TMCC1: variants seen among roughly 807,000 people sequenced by gnomAD.
TMCC1 encodes the protein transmembrane and coiled-coil domain family 1.
A neutral mutation model predicts 52.4 loss-of-function variants in TMCC1; 15 were observed. The observed-to-expected ratio is 0.29, with a 90% CI of 0.19 to 0.44. The LOEUF is 0.44. TMCC1 is among the 20% of genes least tolerant of loss of function. The probability of loss-of-function intolerance (pLI) is 1.00; values close to 1 mark genes in which losing one functional copy is unlikely to be tolerated. For synonymous variants in TMCC1, 279 were observed against 301.9 expected (o/e 0.92, Z 0.79); for missense variants, 503 against 806.0 (o/e 0.62, Z 4.55).
chr3:129,853,281 A>T (rs2059997611), intron 2 of TMCC1, among the ~76,000 whole-genome samples: 1 of 152,208 alleles, frequency 6.6e-6, no homozygotes, highest in African/African-American at 2.4e-5. Context: ...AGTACCTGTA[A>T]GCATACCCCT....
intron 2 of TMCC1, among the ~76,000 whole-genome samples, chr3:129,845,708 CAGG>C (rs2059633480): frequency 6.6e-6 from 1 of 152,116 alleles, no homozygotes; most frequent in Non-Finnish European, 1.5e-5. Flanking sequence ...GTGACAACTT[CAGG>C]AGTTGATAAT....
intron 2 of TMCC1, among the ~76,000 whole-genome samples, chr3:129,872,277 G>A (rs2060966433): frequency 6.6e-6 from 1 of 152,098 alleles, no homozygotes; most frequent in African/African-American, 2.4e-5. Context: ...GTGAGGGGCA[G>A]CACTATAAAT....
chr3:129,735,331 G>T (rs920464775), intron 4 of TMCC1, among the ~76,000 whole-genome samples: 1 of 151,878 alleles, frequency 6.6e-6, no homozygotes, highest in Non-Finnish European at 1.5e-5. Context: ...AACACACTTC[G>T]CCAAAAAAGT....
At chr3:129,885,454 G>A (rs1027085600) in intron 1 of TMCC1, among the ~76,000 whole-genome samples, 3 of 150,172 alleles carry the variant, frequency 2.0e-5, no homozygotes, top group East Asian at 2.1e-4. Context: ...GCATGATGGC[G>A]GGTGCCTGTA....
At chr3:129,826,710 A>G (rs1298490521) in intron 4 of TMCC1, among the ~76,000 whole-genome samples, 1 of 152,024 alleles carries the variant, frequency 6.6e-6, no homozygotes, top group African/African-American at 2.4e-5. Flanking sequence ...TTAATATCCA[A>G]TAAAAAAAAA....
intron 2 of TMCC1, among the ~76,000 whole-genome samples, chr3:129,858,945 C>G (rs1215790263): frequency 5.9e-5 from 9 of 152,102 alleles, no homozygotes. Flanking sequence ...AAGTGATTAC[C>G]TTAGATTATC....
intron 4 of TMCC1, among the ~76,000 whole-genome samples, chr3:129,760,903 C>T (rs990323100): frequency 9.2e-5 from 14 of 152,152 alleles, no homozygotes; most frequent in Non-Finnish European, 1.8e-4. Context: ...TGAGCCACTG[C>T]ACCCAGCCCA....
rs549136063 is a variant in TMCC1 at position 129,697,335 on chromosome 3, G to A, written c.577-26071C>T. On this transcript the variant is annotated intron_variant, in intron 4 of 6. Coordinates refer to ENST00000393238, the MANE Select transcript of TMCC1 (RefSeq NM_001017395.5). ...ACCCTCCAAAGCCATGGCCTGAACTGTATCTTGGCCCTTTTTAGTTAAGGG... is the reference window on the plus strand; with the variant it reads ...ACCCTCCAAAGCCATGGCCTGAACTATATCTTGGCCCTTTTTAGTTAAGGG... Among the ~76,000 whole-genome samples, 7 of 152,330 alleles carry A rather than the reference G, an allele frequency of 4.6e-5. No homozygotes were observed. In the East Asian group the frequency reaches 1.4e-3, roughly 29 times the overall value.
In TMCC1 at chr3:129,651,632, A is replaced by G; in HGVS notation, c.1811T>C (p.Val604Ala). ...GACCACACAGTTGGCTACAGTGGAG[A>G]CAAAGACCAAAAGGACTGCCATGAC... ...LAVMAVLLVF[V>A]STVANCVVPL... Residue 604 changes from valine to alanine, a missense_variant, in exon 7 of 7, where the codon GTC (valine) becomes GCC (alanine). Around this residue, in one of 7 missense-constraint regions of TMCC1, gnomAD observed 50 missense variants for 62.6 expected, o/e 0.80. Coordinates refer to ENST00000393238, the MANE Select transcript of TMCC1 (RefSeq NM_001017395.5). The surrounding 1 kb of genome is among the most constrained non-coding windows in gnomAD (Gnocchi z 5.1). 1 of 1,614,208 alleles carries G rather than the reference A, an allele frequency of 6.2e-7. No individual in the cohort carries two copies. Among genetic ancestry groups the G allele is most frequent in the South Asian group, 1.1e-5 (1 of 91,086 alleles).
At chr3:129,672,422 A>AC (rs958021343) in intron 4 of TMCC1, among the ~76,000 whole-genome samples, 44 of 151,074 alleles carry the variant, frequency 2.9e-4, no homozygotes, top group African/African-American at 1.0e-3. Flanking sequence ...ACATAGTGAG[A>AC]CCCCCTCTCT....
intron 4 of TMCC1, among the ~76,000 whole-genome samples, chr3:129,788,988 T>C (rs2056254925): frequency 6.6e-6 from 1 of 152,200 alleles, no homozygotes; most frequent in Non-Finnish European, 1.5e-5. Flanking sequence ...ATTTAACTGT[T>C]AGTAAAATAG....
chr3:129,867,570 A>G lies in TMCC1; in HGVS notation c.-184+12739T>C, dbSNP rs545448635. 2.6e-4 allele frequency among the ~76,000 whole-genome samples: 39 copies of G among 152,326 alleles called. 1 individual carries two copies. Among genetic ancestry groups the G allele is most frequent in the South Asian group, 6.2e-4 (3 of 4,830 alleles). ...CAGTGATAGGTTTAAATCTGTCTCT[A>G]AATTAAAAAATTATCTAGTCCTAAC... On this transcript the variant is annotated intron_variant, in intron 2 of 6. Transcript: ENST00000393238.
rs145595937 is a variant in TMCC1, at chr3:129,745,409, G to C, written c.577-74145C>G. 2.4e-3 allele frequency among the ~76,000 whole-genome samples: 365 copies of C among 152,320 alleles called. 3 individuals carry two copies. Among genetic ancestry groups the C allele is most frequent in the African/African-American group, 8.1e-3 (337 of 41,580 alleles). On this transcript the variant is annotated intron_variant, in intron 4 of 6. Coordinates refer to ENST00000393238, the MANE Select transcript of TMCC1 (RefSeq NM_001017395.5). ...AGCGCTTCACTCCGCAGCTCAGCCT[G>C]TGCCAAGAGTAGTTTTGCATTTCTC...
chr3:129,808,523 A>G (rs2057600296), intron 4 of TMCC1, among the ~76,000 whole-genome samples: 2 of 151,550 alleles, frequency 1.3e-5, no homozygotes, highest in African/African-American at 4.8e-5. Flanking sequence ...AAAAAAGAAA[A>G]TAATGAAAGA....
chr3:129,821,523 C>T (rs774891165), intron 4 of TMCC1, among the ~76,000 whole-genome samples: 2 of 151,914 alleles, frequency 1.3e-5, no homozygotes, highest in Non-Finnish European at 2.9e-5. Context: ...GAAAAGATTC[C>T]CAATTAAAGT....
intron 4 of TMCC1, among the ~76,000 whole-genome samples, chr3:129,729,478 CA>C (rs1335963005): frequency 6.6e-6 from 1 of 152,086 alleles, no homozygotes; most frequent in Non-Finnish European, 1.5e-5. Context: ...TGAGCTTTGA[CA>C]ATTTTTTATA....
At chr3:129,800,706 A>T (rs2057133249) in intron 4 of TMCC1, among the ~76,000 whole-genome samples, 1 of 152,062 alleles carries the variant, frequency 6.6e-6, no homozygotes, top group African/African-American at 2.4e-5. Flanking sequence ...ACAATTTAAC[A>T]TTATTCTCCA....
chr3:129,687,988 A>C (rs2108940700), intron 4 of TMCC1, among the ~76,000 whole-genome samples: 2 of 152,266 alleles, frequency 1.3e-5, no homozygotes, highest in South Asian at 4.1e-4. Flanking sequence ...ACATGAGAAA[A>C]CTTGGATTAT....
At chr3:129,872,141 A>C (rs2060960726) in intron 2 of TMCC1, among the ~76,000 whole-genome samples, 1 of 152,272 alleles carries the variant, frequency 6.6e-6, no homozygotes, top group Non-Finnish European at 1.5e-5. Context: ...TGCTAGCCAC[A>C]GTTGTTATTC....
Sources: gnomAD v4.1 joint callset for allele counts (sites outside exome capture counted in the v4.1 genomes callset) on GRCh38, gnomAD v4.1.1 for gene constraint, gnomAD v4.1.1 regional missense constraint, Gnocchi (gnomAD v3.1) non-coding constraint, MANE v1.5 for transcripts, NCBI Gene and HGNC (gene_info 2026-07-23, HGNC 2026-07-21) for gene names.